EGF: variants seen among roughly 807,000 people sequenced by gnomAD.
EGF encodes the protein pro-epidermal growth factor.
EGF carries 95 observed loss-of-function variants against 143.8 expected under a neutral mutation model. That is an observed-to-expected ratio of 0.66 (90% CI 0.56 to 0.78). The LOEUF (loss-of-function observed/expected upper bound fraction) is 0.78, where lower values mean the gene tolerates loss of function less well. EGF is among the 30% of genes least tolerant of loss of function. EGF has a pLI of 0.00. For missense variants in EGF, 1,320 were observed against 1,470.9 expected (o/e 0.90, Z 1.68); for synonymous variants, 510 against 510.5 (o/e 1.00, Z 0.01).
chr4:109,913,444 G>A lies in EGF; in HGVS notation c.109G>A (p.Gly37Arg), dbSNP rs1560613880. 1 of 1,613,794 alleles carries A rather than the reference G, an allele frequency of 6.2e-7. No homozygotes were observed. Among genetic ancestry groups the A allele is most frequent in the Non-Finnish European group, 8.5e-7 (1 of 1,179,828 alleles). Residue 37 changes from glycine to arginine, a missense_variant, in exon 1 of 24, where the codon GGG (glycine) becomes AGG (arginine). Physicochemically the swap from Gly to Arg is moderately radical, Grantham distance 125 (BLOSUM62 -2). Coordinates refer to ENST00000265171, the MANE Select transcript of EGF (RefSeq NM_001963.6). ...TCCTGAAGGTACTCTCGCAGGAAAT[G>A]GGAATTCTACTTGTGTGGGTAAGTA... ...SCPEGTLAGN[G>R]NSTCVGPAPF... is the part of the protein sequence containing the mutation.
intron 21 of EGF, among the ~76,000 whole-genome samples, chr4:110,001,083 GCTC>G (rs1752513391): frequency 1.3e-5 from 2 of 152,178 alleles, no homozygotes; most frequent in African/African-American, 4.8e-5. Flanking sequence ...AAGAGCACAG[GCTC>G]TGGAATCAGA....
chr4:110,005,257 GC>G (rs1437907566), intron 22 of EGF, among the ~76,000 whole-genome samples: 1 of 151,614 alleles, frequency 6.6e-6, no homozygotes, highest in Non-Finnish European at 1.5e-5. Flanking sequence ...TGTTTCCCAG[GC>G]TGGTCTCAAA....
At chr4:109,969,891 A>G (rs1042753708) in intron 11 of EGF, among the ~76,000 whole-genome samples, 1 of 152,172 alleles carries the variant, frequency 6.6e-6, no homozygotes, top group Non-Finnish European at 1.5e-5. Flanking sequence ...CACATAAATA[A>G]TTGCCAAATG....
chr4:109,920,057 A>C (rs1737499682), intron 1 of EGF, among the ~76,000 whole-genome samples: 2 of 151,676 alleles, frequency 1.3e-5, no homozygotes, highest in African/African-American at 4.9e-5. Context: ...CATTTAACAA[A>C]TTCATATAGA....
chr4:109,917,312 G>T (rs1736832259), intron 1 of EGF, among the ~76,000 whole-genome samples: 1 of 152,160 alleles, frequency 6.6e-6, no homozygotes, highest in Non-Finnish European at 1.5e-5. Flanking sequence ...TTTAGAAGTT[G>T]CTTGTGTTCA....
intron 11 of EGF, among the ~76,000 whole-genome samples, chr4:109,969,524 G>A (rs1747228850): frequency 6.6e-6 from 1 of 151,922 alleles, no homozygotes. Context: ...GATGGGTGTA[G>A]CAAACCACCA....
Position 109,913,335 on chromosome 4 carries a change from T to G in EGF, c.-1T>G. 1 of 1,613,812 alleles carries G rather than the reference T, an allele frequency of 6.2e-7. No homozygotes were observed. The highest frequency in any genetic ancestry group is 8.5e-7 in the Non-Finnish European group (1 of 1,179,790). On this transcript the variant is annotated 5_prime_UTR_variant, in exon 1 of 24. In the 5' UTR this introduces an upstream ATG that the reference lacks. Coordinates refer to ENST00000265171, the MANE Select transcript of EGF (RefSeq NM_001963.6). ...TTTGAAAGTTCAAACTCATCAAGAT[T>G]ATGCTGCTCACTCTTATCATTCTGT...
chr4:109,964,847 A>G (rs1000647709), intron 10 of EGF, among the ~76,000 whole-genome samples: 1 of 152,230 alleles, frequency 6.6e-6, no homozygotes. Flanking sequence ...AGTGTCATGC[A>G]TATAGAAGGA....
intron 1 of EGF, among the ~76,000 whole-genome samples, chr4:109,931,236 C>T (rs1453896695): frequency 6.6e-6 from 1 of 152,212 alleles, no homozygotes; most frequent in Non-Finnish European, 1.5e-5. Context: ...TAATAAAATA[C>T]TTTCACATCT....
intron 10 of EGF, among the ~76,000 whole-genome samples, chr4:109,965,269 G>A (rs1193952488): frequency 6.6e-6 from 1 of 152,012 alleles, no homozygotes; most frequent in Non-Finnish European, 1.5e-5. Context: ...TTACTATGTG[G>A]TACATTAATT....
At chr4:109,947,324 A>T (rs555228060) in intron 5 of EGF, among the ~76,000 whole-genome samples, 1 of 152,280 alleles carries the variant, frequency 6.6e-6, no homozygotes, top group African/African-American at 2.4e-5. Flanking sequence ...GTTAGCCTTA[A>T]ATAGCCCTCT....
Position 109,983,541 on chromosome 4 carries a change from G to T in EGF, c.2491G>T (p.Asp831Tyr), listed in dbSNP as rs982758728. ...GCTAGTGGCTGAAATCATGGTGTCA[G>T]GTATGAATAACTAGTTCTCCAATAT... ...HMLVAEIMVS[D>Y]QDDCAPVGCS... is the part of the protein sequence containing the mutation. Residue 831 changes from aspartate to tyrosine, a missense_variant and splice_region_variant, in exon 16 of 24, where the codon GAT becomes TAT. Physicochemically the swap from Asp to Tyr is radical, Grantham distance 160 (BLOSUM62 -3). Coordinates refer to ENST00000265171, the MANE Select transcript of EGF (RefSeq NM_001963.6). 3 of 1,613,468 alleles carry T rather than the reference G, an allele frequency of 1.9e-6. No homozygotes were observed. The African/African-American group carries it at 4.0e-5, about 22-fold the overall frequency.
At chr4:109,987,884 A>T in intron 17 of EGF, 24 bp downstream of exon 17, 1 of 1,554,190 alleles carries the variant, frequency 6.4e-7, no homozygotes, top group South Asian at 1.1e-5. Flanking sequence ...GCAAATTCAC[A>T]TATTTGGACA....
chr4:109,932,712 T>G (rs1323101093), intron 1 of EGF, among the ~76,000 whole-genome samples: 1 of 152,100 alleles, frequency 6.6e-6, no homozygotes, highest in African/African-American at 2.4e-5. Flanking sequence ...AATATTTTAT[T>G]GATCTCACCA....
chr4:109,983,129 A>G (rs1749628366), intron 15 of EGF, among the ~76,000 whole-genome samples: 1 of 152,082 alleles, frequency 6.6e-6, no homozygotes, highest in Non-Finnish European at 1.5e-5. Context: ...CATGTCCCTG[A>G]GGGTTTTGGT....
At position 109,943,407 on chromosome 4, in the gene EGF, G is replaced by A. The variant is rs1001381702; in HGVS notation, c.481G>A (p.Ala161Thr). 6.2e-7 allele frequency: 1 copy of A among 1,613,776 alleles called. No individual in the cohort carries two copies. Among genetic ancestry groups the A allele is most frequent in the South Asian group, 1.1e-5 (1 of 91,046 alleles). ...HILLSALKYP[A>T]NVAVDPVERF... Reference sequence around the variant, plus strand: ...TCTTTTAAGTGCTTTAAAATATCCTGCAAATGTAGCAGTTGATCCAGTAGA... The same window carrying A: ...TCTTTTAAGTGCTTTAAAATATCCTACAAATGTAGCAGTTGATCCAGTAGA... The change falls in exon 3 of 24, where the codon GCA becomes ACA. Residue 161 changes from alanine (A) to threonine (T), a missense_variant. Coordinates refer to ENST00000265171, the MANE Select transcript of EGF (RefSeq NM_001963.6).
Position 109,936,693 on chromosome 4 carries a change from G to A in EGF, c.128-4253G>A, listed in dbSNP as rs148515166. ...GTGGGCATTTAGTGTATACATTTCCGTATAAACACTGCTTTAGCTGTGTCT... is the reference window on the plus strand; with the variant it reads ...GTGGGCATTTAGTGTATACATTTCCATATAAACACTGCTTTAGCTGTGTCT... On this transcript the variant is annotated intron_variant, in intron 1 of 23. Coordinates refer to ENST00000265171, the MANE Select transcript of EGF (RefSeq NM_001963.6). 5.7e-4 allele frequency among the ~76,000 whole-genome samples: 86 copies of A among 152,180 alleles called. 1 individual carries two copies. Among genetic ancestry groups the A allele is most frequent in the East Asian group, 2.3e-3 (12 of 5,190 alleles).
chr4:109,981,584 G>T (rs1220479874), intron 15 of EGF, among the ~76,000 whole-genome samples: 2 of 152,148 alleles, frequency 1.3e-5, no homozygotes, highest in East Asian at 3.9e-4. Context: ...TTCATCCCTT[G>T]ATATCTTTCT....
At position 109,963,198 on chromosome 4, in the gene EGF, A is replaced by T. The variant is rs1033308841; in HGVS notation, c.1338A>T (p.Gly446=). ...GTTGTTCCTCACCCGATAATGGTGG[A>T]TGTAGCCAGCTCTGCGTTCCTCTTA... is the stretch of plus-strand genomic sequence containing the variant. ...CSGCSSPDNG[G]CSQLCVPLSP... is the part of the protein sequence containing the mutation. Residue 446 remains glycine, a synonymous_variant, in exon 9 of 24, where the codon GGA becomes GGT. Coordinates refer to ENST00000265171, the MANE Select transcript of EGF (RefSeq NM_001963.6). 6.2e-7 allele frequency: 1 copy of T among 1,613,920 alleles called. No homozygotes were observed. Among genetic ancestry groups the T allele is most frequent in the Admixed American group, 1.7e-5 (1 of 59,988 alleles).
Sources: gnomAD v4.1 joint callset for allele counts (sites outside exome capture counted in the v4.1 genomes callset) on GRCh38, gnomAD v4.1.1 for gene constraint, MANE v1.5 for transcripts, NCBI Gene and HGNC (gene_info 2026-07-23, HGNC 2026-07-21) for gene names.